SLC4A8: variants seen among roughly 807,000 people sequenced by gnomAD.
SLC4A8 encodes solute carrier family 4 member 8.
In SLC4A8, 40 loss-of-function variants were observed where a neutral mutation model predicts 125.0. That is an observed-to-expected ratio of 0.32 (90% CI 0.25 to 0.42). The LOEUF (loss-of-function observed/expected upper bound fraction) is 0.42, where lower values mean the gene tolerates loss of function less well. SLC4A8 is among the 10% of genes least tolerant of loss of function. The pLI is 1.00. For missense variants in SLC4A8, 863 were observed against 1,355.1 expected (o/e 0.64, Z 5.70); for synonymous variants, 456 against 476.0 (o/e 0.96, Z 0.55).
chr12:51,414,162 C>CT (rs1344423234), intron 1 of SLC4A8, among the ~76,000 whole-genome samples: 6,189 of 139,396 alleles, frequency 0.044, 398 homozygotes, highest in African/African-American at 0.15. Flanking sequence ...ATTCCTGGGT[C>CT]TTTTTTTTTT....
At chr12:51,470,675 G>GC in intron 13 of SLC4A8, 150 bp downstream of exon 13, 1 of 690,478 alleles carries the variant, frequency 1.4e-6, no homozygotes, top group South Asian at 2.0e-5. Context: ...CTGTTGTCCT[G>GC]CCCCCGGGTA....
At chr12:51,493,621 T>G in intron 19 of SLC4A8, 83 bp from the exon 20 acceptor site, 5 of 889,356 alleles carry the variant, frequency 5.6e-6, no homozygotes, top group East Asian at 2.4e-5. Flanking sequence ...GTTTCATTCT[T>G]GGAGATTTAA....
intron 16 of SLC4A8, 102 bp from the exon 17 acceptor site, chr12:51,485,685 T>A: frequency 1.6e-6 from 1 of 640,992 alleles, no homozygotes; most frequent in Admixed American, 2.7e-5. Flanking sequence ...AACTGTAAGA[T>A]GAAAACATTC....
intron 15 of SLC4A8, 122 bp from the exon 16 acceptor site, chr12:51,474,923 A>T (rs1374431337): frequency 1.2e-6 from 1 of 864,398 alleles, no homozygotes; most frequent in Non-Finnish European, 1.8e-6. Context: ...GGTCAAGGGG[A>T]TGCTGCTTGC....
At chr12:51,497,180 A>G in intron 22 of SLC4A8, 56 bp downstream of exon 22, 2 of 1,544,720 alleles carry the variant, frequency 1.3e-6, no homozygotes, top group Non-Finnish European at 1.7e-6. Flanking sequence ...AGAACATAGG[A>G]AGGGTCATGT....
intron 1 of SLC4A8, among the ~76,000 whole-genome samples, chr12:51,413,240 T>C (rs1359016527): frequency 1.3e-5 from 2 of 152,210 alleles, no homozygotes; most frequent in South Asian, 2.1e-4. Context: ...TCTACTCAGA[T>C]CCTTTGTCCA....
In SLC4A8 at chr12:51,470,377, T is replaced by G. The variant is rs1283207178; in HGVS notation, c.1525-15T>G. 6.2e-7 allele frequency: 1 copy of G among 1,608,708 alleles called. No homozygotes were observed. The highest frequency in any genetic ancestry group is 1.1e-5 in the South Asian group (1 of 90,784). ...GATGGGCTATGGACTCAGTGATGAC[T>G]TTTTTTCCTCTCAGAGTGCAATTGA... On this transcript the variant is annotated splice_polypyrimidine_tract_variant and intron_variant, in intron 12 of 24. Transcript: ENST00000453097.
chr12:51,400,689 T>C (rs1948354678), intron 1 of SLC4A8, among the ~76,000 whole-genome samples: 1 of 138,424 alleles, frequency 7.2e-6, no homozygotes, highest in Admixed American at 7.3e-5. Flanking sequence ...CATAACTTTT[T>C]TCCAACGGTA....
At chr12:51,446,760 A>C (rs1486697673) in intron 2 of SLC4A8, among the ~76,000 whole-genome samples, 1 of 152,140 alleles carries the variant, frequency 6.6e-6, no homozygotes, top group African/African-American at 2.4e-5. Flanking sequence ...CTTAGGTGAG[A>C]TTATGTACTC....
At chr12:51,404,134 A>C (rs1288916336) in intron 1 of SLC4A8, among the ~76,000 whole-genome samples, 1 of 152,206 alleles carries the variant, frequency 6.6e-6, no homozygotes, top group Non-Finnish European at 1.5e-5. Context: ...GCTGCAACAC[A>C]AAAGCAGACG....
intron 5 of SLC4A8, among the ~76,000 whole-genome samples, chr12:51,455,271 T>TA (rs544910543): frequency 1.1e-3 from 151 of 138,052 alleles, no homozygotes; most frequent in Middle Eastern, 3.7e-3. Flanking sequence ...CCCTGTCTCT[T>TA]AAAAAAAAAA....
At chr12:51,435,430 T>A (rs1949372389) in intron 1 of SLC4A8, among the ~76,000 whole-genome samples, 2 of 152,136 alleles carry the variant, frequency 1.3e-5, no homozygotes, top group South Asian at 4.2e-4. Context: ...ATTAGTGTTA[T>A]CCTCCAAATG....
At chr12:51,428,765 T>C (rs1243625031) in intron 1 of SLC4A8, among the ~76,000 whole-genome samples, 4 of 152,234 alleles carry the variant, frequency 2.6e-5, no homozygotes, top group East Asian at 1.9e-4. Context: ...ATGCTTGCCA[T>C]GTGCCAGGCA....
chr12:51,465,862 T>C (rs925902828), intron 11 of SLC4A8, among the ~76,000 whole-genome samples: 2 of 152,230 alleles, frequency 1.3e-5, no homozygotes. Flanking sequence ...ATGTGAGTCT[T>C]TTTTGTATAT....
At chr12:51,447,701 T>A (rs914234350) in intron 2 of SLC4A8, among the ~76,000 whole-genome samples, 1 of 150,840 alleles carries the variant, frequency 6.6e-6, no homozygotes, top group Non-Finnish European at 1.5e-5. Context: ...TCTGTGAGCA[T>A]GTGGGATTTC....
At chr12:51,477,552 A>G (rs946570748) in intron 16 of SLC4A8, among the ~76,000 whole-genome samples, 2 of 152,238 alleles carry the variant, frequency 1.3e-5, no homozygotes, top group Non-Finnish European at 2.9e-5. Context: ...AAAGGTAGAC[A>G]GAGGAATTCT....
chr12:51,455,785 G>A (rs561380468), intron 5 of SLC4A8, among the ~76,000 whole-genome samples: 35 of 152,274 alleles, frequency 2.3e-4, no homozygotes, highest in African/African-American at 8.2e-4. Flanking sequence ...CTCTTTTTCA[G>A]GGAGGTACCC....
At position 51,494,979 on chromosome 12, in the gene SLC4A8, C is replaced by A. The variant is rs1392013436; in HGVS notation, c.2804C>A (p.Ala935Glu). 3 of 1,614,194 alleles carry A rather than the reference C, an allele frequency of 1.9e-6. No individual in the cohort carries two copies. In the East Asian group the frequency reaches 6.7e-5, roughly 36 times the overall value. ...FDRLKLFGMP[A>E]KHQPDFIYLR... is the part of the protein sequence containing the mutation. ...CGTCTAAAGCTCTTTGGGATGCCCG[C>A]AAAGCACCAGCCAGATTTCATCTAC... Residue 935 changes from alanine to glutamate, a missense_variant, in exon 21 of 25, where the codon GCA becomes GAA. Ala to Glu is a moderately radical substitution (Grantham distance 107). Around this residue, in one of 6 missense-constraint regions of SLC4A8, gnomAD observed 197 missense variants for 377.7 expected, o/e 0.52. Transcript: ENST00000453097.
At chr12:51,428,221 G>A (rs1309445597) in intron 1 of SLC4A8, among the ~76,000 whole-genome samples, 4 of 152,138 alleles carry the variant, frequency 2.6e-5, no homozygotes, top group Non-Finnish European at 5.9e-5. Flanking sequence ...CTCTCTTTAA[G>A]ATGGTCCTGT....
Sources: gnomAD v4.1 joint callset for allele counts (sites outside exome capture counted in the v4.1 genomes callset) on GRCh38, gnomAD v4.1.1 for gene constraint, gnomAD v4.1.1 regional missense constraint, MANE v1.5 for transcripts, NCBI Gene and HGNC (gene_info 2026-07-23, HGNC 2026-07-21) for gene names.